LRP1B: variants seen among roughly 807,000 people sequenced by gnomAD.
LRP1B encodes the protein LDL receptor related protein 1B, also known as low-density lipoprotein receptor-related protein 1B.
In LRP1B, 217 loss-of-function variants were observed where a neutral mutation model predicts 556.6. The ratio of observed to expected loss-of-function variants is 0.39; its 90% confidence interval spans 0.35 to 0.44. The LOEUF is 0.44. Among genes scored for constraint, LRP1B ranks in the 20% least tolerant of loss-of-function variants. LRP1B has a pLI of 1.00. For synonymous variants in LRP1B, 2,047 were observed against 1,865.8 expected (o/e 1.10, Z -2.50); for missense variants, 5,053 against 5,620.8 (o/e 0.90, Z 3.23).
At chr2:141,856,297 C>A (rs1334063555) in intron 1 of LRP1B, among the ~76,000 whole-genome samples, 9 of 152,198 alleles carry the variant, frequency 5.9e-5, no homozygotes, top group Middle Eastern at 3.4e-3. Context: ...TCTATCAATT[C>A]TATAGTCTAA....
chr2:141,604,580 C>T (rs1407929477), intron 2 of LRP1B, among the ~76,000 whole-genome samples: 1 of 152,152 alleles, frequency 6.6e-6, no homozygotes, highest in East Asian at 1.9e-4. Flanking sequence ...TGATCCTCAA[C>T]CTTCACCTAT....
intron 2 of LRP1B, among the ~76,000 whole-genome samples, chr2:141,745,093 A>G (rs761420602): frequency 7.8e-4 from 119 of 152,230 alleles, no homozygotes; most frequent in Middle Eastern, 6.8e-3. Flanking sequence ...GGGATGACAT[A>G]AACACCCCTG....
At chr2:141,965,794 T>C (rs1473195339) in intron 1 of LRP1B, among the ~76,000 whole-genome samples, 3 of 137,686 alleles carry the variant, frequency 2.2e-5, no homozygotes, top group Admixed American at 1.5e-4. Context: ...AATAAATATG[T>C]ATCCAAAAAA....
At chr2:140,346,295 TA>T (rs1477058636) in intron 77 of LRP1B, among the ~76,000 whole-genome samples, 1 of 151,794 alleles carries the variant, frequency 6.6e-6, no homozygotes, top group Non-Finnish European at 1.5e-5. Flanking sequence ...ATCATTGGTA[TA>T]TTTTTAATGA....
chr2:140,455,816 C>G (rs1687084834), intron 62 of LRP1B, among the ~76,000 whole-genome samples: 1 of 152,114 alleles, frequency 6.6e-6, no homozygotes. Flanking sequence ...TATAGTTTGA[C>G]AGTTTTATCT....
intron 3 of LRP1B, among the ~76,000 whole-genome samples, chr2:141,257,017 A>G (rs1684490358): frequency 6.6e-6 from 1 of 152,112 alleles, no homozygotes. Context: ...ATAATAAAGT[A>G]CATAAGTGAA....
chr2:140,971,129 A>C (rs909851314), intron 18 of LRP1B, among the ~76,000 whole-genome samples: 1 of 152,220 alleles, frequency 6.6e-6, no homozygotes, highest in Non-Finnish European at 1.5e-5. Context: ...AGAAAAAAGA[A>C]ATGTAGTCTT....
At chr2:141,659,641 G>A (rs1343443242) in intron 2 of LRP1B, among the ~76,000 whole-genome samples, 4 of 152,090 alleles carry the variant, frequency 2.6e-5, no homozygotes, top group Non-Finnish European at 5.9e-5. Context: ...CGACCTGGGA[G>A]AATGGCATAC....
chr2:141,509,483 A>G (rs1372380988), intron 2 of LRP1B, among the ~76,000 whole-genome samples: 2 of 152,224 alleles, frequency 1.3e-5, no homozygotes, highest in Admixed American at 6.5e-5. Context: ...TTTAGTTCCC[A>G]CTGTTATTGT....
chr2:140,370,834 A>G lies in LRP1B; in HGVS notation c.10884T>C (p.Cys3628=), dbSNP rs774830247. 3 of 1,612,470 alleles carry G rather than the reference A, an allele frequency of 1.9e-6. No individual in the cohort carries two copies. In the Admixed American group the frequency reaches 5.0e-5, roughly 27 times the overall value. Residue 3628 remains cysteine (C), a synonymous_variant, in exon 71 of 91, where the codon TGT becomes TGC. Coordinates refer to ENST00000389484, the MANE Select transcript of LRP1B (RefSeq NM_018557.3). Reference sequence around the variant, plus strand: ...ACTGATCTTCCTTACATTCAGTCACACAGTCCATCTGTTCAAATACAAATG... The same window carrying G: ...ACTGATCTTCCTTACATTCAGTCACGCAGTCCATCTGTTCAAATACAAATG... ...DCADGSDEMD[C]VTECKEDQFR...
chr2:141,826,907 A>G (rs924584055), intron 1 of LRP1B, among the ~76,000 whole-genome samples: 2 of 152,180 alleles, frequency 1.3e-5, no homozygotes, highest in Admixed American at 6.5e-5. Context: ...TTATCAGTCC[A>G]AGAGATTCTG....
chr2:140,647,330 C>T (rs553038905), intron 41 of LRP1B, among the ~76,000 whole-genome samples: 1 of 152,186 alleles, frequency 6.6e-6, no homozygotes, highest in Admixed American at 6.5e-5. Flanking sequence ...ATCAGTGAAC[C>T]ATTGCACTGC....
chr2:140,697,948 T>C (rs1180941256), intron 41 of LRP1B, among the ~76,000 whole-genome samples: 1 of 152,128 alleles, frequency 6.6e-6, no homozygotes, highest in Non-Finnish European at 1.5e-5. Flanking sequence ...TATATGTGGA[T>C]ATACATGTAT....
intron 32 of LRP1B, among the ~76,000 whole-genome samples, chr2:140,785,716 G>A (rs1689873159): frequency 6.6e-6 from 1 of 152,038 alleles, no homozygotes; most frequent in Non-Finnish European, 1.5e-5. Context: ...TAACTGTACA[G>A]TAGGTATTTC....
intron 25 of LRP1B, among the ~76,000 whole-genome samples, chr2:140,877,501 G>A (rs1199515657): frequency 6.6e-6 from 1 of 152,126 alleles, no homozygotes; most frequent in Non-Finnish European, 1.5e-5. Flanking sequence ...CGGGAAATGT[G>A]AAAGAAAAAT....
rs368853707 is a variant in LRP1B at position 140,240,569 on chromosome 2, A to G, written c.13325-1037T>C. 4.6e-5 allele frequency among the ~76,000 whole-genome samples: 7 copies of G among 151,026 alleles called. No individual in the cohort carries two copies. In the East Asian group the frequency reaches 7.8e-4, roughly 17 times the overall value. ...AGAAAACTGAATACAGGGTTGCCTGATAACAGGAAAGTATGACATAGCTAA... is the reference window on the plus strand; with the variant it reads ...AGAAAACTGAATACAGGGTTGCCTGGTAACAGGAAAGTATGACATAGCTAA... On this transcript the variant is annotated intron_variant, in intron 87 of 90. Coordinates refer to ENST00000389484, the MANE Select transcript of LRP1B (RefSeq NM_018557.3).
intron 2 of LRP1B, among the ~76,000 whole-genome samples, chr2:141,807,268 G>A (rs1158330328): frequency 5.8e-5 from 6 of 102,884 alleles, no homozygotes; most frequent in South Asian, 3.2e-4. Context: ...TTTTCATAAC[G>A]CTTTTTTTTT....
intron 60 of LRP1B, among the ~76,000 whole-genome samples, chr2:140,459,624 T>C (rs1489414561): frequency 6.6e-6 from 1 of 152,228 alleles, no homozygotes; most frequent in Non-Finnish European, 1.5e-5. Flanking sequence ...GCACAAGAAC[T>C]AGGCCAGCGG....
At chr2:141,722,334 C>T (rs1307953582) in intron 2 of LRP1B, among the ~76,000 whole-genome samples, 1 of 152,008 alleles carries the variant, frequency 6.6e-6, no homozygotes, top group African/African-American at 2.4e-5. Context: ...GCCAAGATGG[C>T]GCCACTGCAC....
Sources: gnomAD v4.1 joint callset for allele counts (sites outside exome capture counted in the v4.1 genomes callset) on GRCh38, gnomAD v4.1.1 for gene constraint, MANE v1.5 for transcripts, NCBI Gene and HGNC (gene_info 2026-07-23, HGNC 2026-07-21) for gene names.